The following SOX6 variants were observed in gnomAD, a reference collection of about 807,000 sequenced individuals.
SOX6 encodes SRY-box transcription factor 6.
A neutral mutation model predicts 97.8 loss-of-function variants in SOX6; 11 were observed. That is an observed-to-expected ratio of 0.11 (90% CI 0.07 to 0.19). The LOEUF is 0.19. Among genes scored for constraint, SOX6 ranks in the 10% least tolerant of loss-of-function variants. The pLI, the probability that SOX6 is intolerant of heterozygous loss-of-function variation, is 1.00. For missense variants in SOX6, 810 were observed against 1,039.5 expected (o/e 0.78, Z 3.04); for synonymous variants, 360 against 371.4 (o/e 0.97, Z 0.35).
chr11:16,261,248 A>T (rs535291615), intron 3 of SOX6, among the ~76,000 whole-genome samples: 1 of 152,184 alleles, frequency 6.6e-6, no homozygotes, highest in Non-Finnish European at 1.5e-5. Context: ...CATATGGTAG[A>T]CACTAAACAA....
chr11:16,201,678 G>A (rs1295338559), intron 4 of SOX6, among the ~76,000 whole-genome samples: 1 of 123,346 alleles, frequency 8.1e-6, no homozygotes, highest in Non-Finnish European at 1.6e-5. Context: ...CTGTCGCCCA[G>A]GCTGGAGTGC....
intron 3 of SOX6, among the ~76,000 whole-genome samples, chr11:16,299,058 A>G (rs1381561376): frequency 6.6e-6 from 1 of 152,170 alleles, no homozygotes; most frequent in African/African-American, 2.4e-5. Context: ...ATTACTTTAA[A>G]TTTCAAAGTT....
intron 2 of SOX6, among the ~76,000 whole-genome samples, chr11:16,717,335 A>G (rs1047430946): frequency 2.0e-5 from 3 of 152,122 alleles, no homozygotes; most frequent in African/African-American, 4.8e-5. Context: ...TAGAACTTTC[A>G]TATTATATTA....
chr11:16,466,455 AT>A (rs918592486), intron 1 of SOX6, among the ~76,000 whole-genome samples: 3 of 152,206 alleles, frequency 2.0e-5, no homozygotes, highest in Non-Finnish European at 4.4e-5. Flanking sequence ...CTGTTATAAA[AT>A]AAAAGCAAAA....
At chr11:16,482,429 C>T (rs1236249665) in intron 4 of SOX6, among the ~76,000 whole-genome samples, 1 of 152,092 alleles carries the variant, frequency 6.6e-6, no homozygotes, top group East Asian at 1.9e-4. Context: ...TTCTTAATAT[C>T]CACCACCCTA....
chr11:16,215,967 C>G (rs1302759345), intron 4 of SOX6, among the ~76,000 whole-genome samples: 2 of 152,148 alleles, frequency 1.3e-5, no homozygotes, highest in East Asian at 3.9e-4. Context: ...GTTAGTATGC[C>G]TTGGTGACAA....
chr11:16,717,376 G>C (rs1848226689), intron 2 of SOX6, among the ~76,000 whole-genome samples: 1 of 152,018 alleles, frequency 6.6e-6, no homozygotes, highest in Non-Finnish European at 1.5e-5. Flanking sequence ...ATTTCAGAGA[G>C]TTAGACTCCA....
chr11:16,523,776 C>T (rs1268237433), intron 4 of SOX6, among the ~76,000 whole-genome samples: 1 of 152,032 alleles, frequency 6.6e-6, no homozygotes, highest in Admixed American at 6.6e-5. Context: ...ATCAAATAGA[C>T]TCAATAAAAA....
At chr11:16,450,617 T>G (rs1859699719) in intron 1 of SOX6, among the ~76,000 whole-genome samples, 1 of 152,220 alleles carries the variant, frequency 6.6e-6, no homozygotes, top group South Asian at 2.1e-4. Context: ...TTTAACCATC[T>G]GCACAACTCA....
Position 16,503,450 on chromosome 11 carries a change from A to C in SOX6, n.610-27062T>G, listed in dbSNP as rs982182733. 3.3e-5 allele frequency among the ~76,000 whole-genome samples: 5 copies of C among 152,234 alleles called. No homozygotes were observed. In the East Asian group the frequency reaches 5.8e-4, roughly 18 times the overall value. On this transcript the variant is annotated intron_variant and non_coding_transcript_variant, in intron 4 of 5. Transcript: ENST00000524520. ...GAATAAGCCTTCACATATCAATAAT[A>C]ACCTTTAATGTAAAAGGATTAAACT...
intron 3 of SOX6, among the ~76,000 whole-genome samples, chr11:16,692,142 C>T (rs992074602): frequency 1.3e-5 from 2 of 151,638 alleles, no homozygotes; most frequent in East Asian, 1.9e-4. Flanking sequence ...GGCGTGATCT[C>T]GGCTCACTGC....
In SOX6 at chr11:16,096,129, G is replaced by C. The variant is rs779945670; in HGVS notation, c.979-11C>G. The C allele has an allele frequency of 1.9e-6, 3 of 1,604,792 alleles. No individual in the cohort carries two copies. The highest frequency in any genetic ancestry group is 2.6e-6 in the Non-Finnish European group (3 of 1,175,872). On this transcript the variant is annotated splice_polypyrimidine_tract_variant and intron_variant, in intron 8 of 15. Coordinates refer to ENST00000683767, the MANE Select transcript of SOX6 (RefSeq NM_001367873.1). Reference sequence around the variant, plus strand: ...GGAGACATGACCCTTCTGTTTAGTAGCATATTCAGAAAAAAAAAAAAAGAC... The same window carrying C: ...GGAGACATGACCCTTCTGTTTAGTACCATATTCAGAAAAAAAAAAAAAGAC...
chr11:15,973,537 G>A (rs1410048238), intron 15 of SOX6, among the ~76,000 whole-genome samples: 2 of 152,216 alleles, frequency 1.3e-5, no homozygotes, highest in African/African-American at 4.8e-5. Context: ...GCAGGTTTGT[G>A]TCTTCACCTT....
At chr11:16,482,537 T>C (rs781555066) in intron 4 of SOX6, among the ~76,000 whole-genome samples, 2 of 152,164 alleles carry the variant, frequency 1.3e-5, no homozygotes, top group Non-Finnish European at 2.9e-5. Flanking sequence ...AAGCTCAAAT[T>C]TTATTGACAA....
At chr11:16,462,788 A>G (rs990076338) in intron 1 of SOX6, among the ~76,000 whole-genome samples, 1 of 152,216 alleles carries the variant, frequency 6.6e-6, no homozygotes, top group African/African-American at 2.4e-5. Context: ...AGGGCAGGCA[A>G]CAATCACTCT....
intron 4 of SOX6, among the ~76,000 whole-genome samples, chr11:16,573,329 T>C (rs1435707272): frequency 6.6e-6 from 1 of 152,218 alleles, no homozygotes; most frequent in African/African-American, 2.4e-5. Flanking sequence ...ATAAATTATA[T>C]TTTAATGTAA....
At chr11:16,381,197 G>A (rs1225163897) in intron 1 of SOX6, among the ~76,000 whole-genome samples, 2 of 151,870 alleles carry the variant, frequency 1.3e-5, no homozygotes, top group East Asian at 3.9e-4. Flanking sequence ...AAAATGAGAA[G>A]AGAGAAAAGA....
chr11:16,683,073 C>T (rs867592729), intron 3 of SOX6, among the ~76,000 whole-genome samples: 7 of 152,144 alleles, frequency 4.6e-5, no homozygotes, highest in East Asian at 1.9e-4. Flanking sequence ...CACTGCTCAA[C>T]GAAATGAAAG....
chr11:16,699,907 A>G (rs1848080554), intron 3 of SOX6, among the ~76,000 whole-genome samples: 1 of 152,086 alleles, frequency 6.6e-6, no homozygotes, highest in African/African-American at 2.4e-5. Flanking sequence ...TTCAGCAAAT[A>G]TTTATTAAGT....
Sources: gnomAD v4.1 joint callset for allele counts (sites outside exome capture counted in the v4.1 genomes callset) on GRCh38, gnomAD v4.1.1 for gene constraint, MANE v1.5 for transcripts, NCBI Gene and HGNC (gene_info 2026-07-23, HGNC 2026-07-21) for gene names.